The following PGGT1B variants were observed in gnomAD, a reference collection of about 807,000 sequenced individuals.
The protein encoded by PGGT1B is geranylgeranyl transferase type-1 subunit beta.
Under a neutral mutation model 46.1 loss-of-function variants are expected in PGGT1B, and 30 were observed. The observed-to-expected ratio is 0.65, with a 90% CI of 0.49 to 0.88. The LOEUF (loss-of-function observed/expected upper bound fraction) is 0.88. Among genes scored for constraint, PGGT1B ranks in the 40% least tolerant of loss-of-function variants. The pLI is 0.00. For synonymous variants in PGGT1B, 170 were observed against 160.0 expected, an observed-to-expected ratio of 1.06 and a Z score of -0.47; for missense variants, 376 against 455.9, an observed-to-expected ratio of 0.82 and a Z score of 1.60.
At chr5:115,254,343 G>C (rs1161660802) in intron 1 of PGGT1B, among the ~76,000 whole-genome samples, 5 of 151,508 alleles carry the variant, frequency 3.3e-5, no homozygotes, top group African/African-American at 1.2e-4. Context: ...TACCCCACTG[G>C]GACAGGACCC....
chr5:115,237,813 A>G (rs1347419742), intron 4 of PGGT1B, 45 bp downstream of exon 4: 3 of 1,541,652 alleles, frequency 1.9e-6, no homozygotes, highest in African/African-American at 2.8e-5. Flanking sequence ...TAGTTCCAAT[A>G]TATTTTTGTT....
Position 115,253,216 on chromosome 5 carries a change from C to T in PGGT1B, c.180G>A (p.Met60Ile). The change falls in exon 2 of 9, where the codon ATG becomes ATA. Residue 60 changes from methionine (M) to isoleucine (I), a missense_variant. Physicochemically the swap from Met to Ile is conservative, Grantham distance 10. Transcript: ENST00000419445. The stretch of plus-strand genomic sequence containing the variant: ...TGTTCACCACATCTAAGGAATCCAA[C>T]ATATCCAGCCCGGAGAGTGCAAAAA... ...IAFFALSGLD[M>I]LDSLDVVNKD... The T allele has an allele frequency of 6.2e-7, 1 of 1,600,088 alleles. No individual in the cohort carries two copies. Among genetic ancestry groups the T allele is most frequent in the Middle Eastern group, 1.7e-4 (1 of 6,036 alleles).
chr5:115,224,091 T>C (rs1756681318), intron 6 of PGGT1B, among the ~76,000 whole-genome samples: 1 of 147,026 alleles, frequency 6.8e-6, no homozygotes, highest in Admixed American at 6.8e-5. Flanking sequence ...TCTATGTTAG[T>C]CTTGAGTGAA....
Position 115,236,364 on chromosome 5 carries a change from T to C in PGGT1B, c.612+26A>G, listed in dbSNP as rs369875059. On this transcript the variant is annotated intron_variant, in intron 5 of 8. Coordinates refer to ENST00000419445, the MANE Select transcript of PGGT1B (RefSeq NM_005023.4). ...CATGTACCAGCAAAAACAACCTAAA[T>C]AGTCAATTTTATCAACAGAACTCAC... is the stretch of plus-strand genomic sequence containing the variant. 10 of 1,575,482 alleles carry C rather than the reference T, an allele frequency of 6.3e-6. No individual in the cohort carries two copies. The African/African-American group carries it at 6.9e-5, about 11-fold the overall frequency.
chr5:115,237,480 A>G (rs967320891), intron 4 of PGGT1B, among the ~76,000 whole-genome samples: 1 of 152,156 alleles, frequency 6.6e-6, no homozygotes, highest in Non-Finnish European at 1.5e-5. Context: ...TTCAGTGTTC[A>G]CCCCTTTCTT....
At chr5:115,226,752 G>C (rs1479364842) in intron 6 of PGGT1B, among the ~76,000 whole-genome samples, 1 of 151,898 alleles carries the variant, frequency 6.6e-6, no homozygotes, top group Non-Finnish European at 1.5e-5. Context: ...ATCCAGCAAA[G>C]ATAAACAGAG....
chr5:115,237,903 T>A lies in PGGT1B; in HGVS notation c.434A>T (p.Glu145Val), dbSNP rs1757231027. ...GGCTCTCAAGCCCGCTAAGCAAGCT[T>A]CTTTATTTACTCGGCTTAAGTCGTC... ...LGDDLSRVNK[E>V]ACLAGLRALQ... is the part of the protein sequence containing the mutation. Residue 145 changes from glutamate (E) to valine (V), a missense_variant, in exon 4 of 9, where the codon GAA becomes GTA. Coordinates refer to ENST00000419445, the MANE Select transcript of PGGT1B (RefSeq NM_005023.4). The A allele has an allele frequency of 6.2e-7, 1 of 1,612,058 alleles. No individual in the cohort carries two copies. The highest frequency in any genetic ancestry group is 2.2e-5 in the East Asian group (1 of 44,858).
Position 115,207,180 on chromosome 5 carries a change from C to CATACATATATATATATATATAT in PGGT1B, c.*5221_*5222insATATATATATATATATATGTAT, listed in dbSNP as rs1554069083. The CATACATATATATATATATATAT allele has an allele frequency of 8.9e-5, 8 of 89,954 alleles. 1 individual carries two copies. Among genetic ancestry groups the CATACATATATATATATATATAT allele is most frequent in the Non-Finnish European group, 7.1e-5 (3 of 42,210 alleles). The allele number at this position is 89,954 out of a possible 1,614,324, so 5.6% of individuals were successfully genotyped here. A position where few individuals can be genotyped will look rare whatever the true frequency, so the allele number is the denominator to read the frequency against. On this transcript the variant is annotated 3_prime_UTR_variant, in exon 9 of 9. Coordinates refer to ENST00000419445, the MANE Select transcript of PGGT1B (RefSeq NM_005023.4). ...ACTAGTTTAGGTTTGCATATACATA[C>CATACATATATATATATATATAT]ATATATATATATATATATATATATA...
At chr5:115,243,328 T>C (rs1366797284) in intron 2 of PGGT1B, among the ~76,000 whole-genome samples, 1 of 152,224 alleles carries the variant, frequency 6.6e-6, no homozygotes, top group African/African-American at 2.4e-5. Context: ...AGGTTAAGCA[T>C]ATCATGCCTC....
chr5:115,227,530 C>G (rs1368362045), intron 6 of PGGT1B, among the ~76,000 whole-genome samples: 2 of 152,176 alleles, frequency 1.3e-5, no homozygotes, highest in Non-Finnish European at 2.9e-5. Context: ...TGCAGGAGCA[C>G]CAGCCCTTCA....
rs550709380 is a variant in PGGT1B, at chr5:115,222,715, G to A, written c.659-707C>T. Among the ~76,000 whole-genome samples the A allele has an allele frequency of 6.0e-4, 92 of 152,092 alleles. 1 individual carries two copies. Among genetic ancestry groups the A allele is most frequent in the Non-Finnish European group, 1.9e-4 (13 of 68,010 alleles). Reference sequence around the variant, plus strand: ...GCACTATTCACAATAGCAAAGACTTGGAATCAACCCAAACATCCATCAATG... The same window carrying A: ...GCACTATTCACAATAGCAAAGACTTAGAATCAACCCAAACATCCATCAATG... On this transcript the variant is annotated intron_variant, in intron 6 of 8. Transcript: ENST00000419445.
intron 1 of PGGT1B, among the ~76,000 whole-genome samples, chr5:115,261,415 G>T (rs564024883): frequency 6.6e-6 from 1 of 152,284 alleles, no homozygotes; most frequent in Non-Finnish European, 1.5e-5. Context: ...GTGCAATGTT[G>T]ACCAAAAGGA....
Position 115,210,670 on chromosome 5 carries a change from A to G in PGGT1B, c.*1732T>C, listed in dbSNP as rs890322545. On this transcript the variant is annotated 3_prime_UTR_variant, in exon 9 of 9. Coordinates refer to ENST00000419445, the MANE Select transcript of PGGT1B (RefSeq NM_005023.4). ...TTGCCTTCTAACCTTTCTTGGTGATACAGAAAAAACAATTTGGGCTTTTTA... is the reference window on the plus strand; with the variant it reads ...TTGCCTTCTAACCTTTCTTGGTGATGCAGAAAAAACAATTTGGGCTTTTTA... The G allele has an allele frequency of 2.0e-5, 3 of 152,106 alleles. No individual in the cohort carries two copies. The highest frequency in any genetic ancestry group is 7.2e-5 in the African/African-American group (3 of 41,438). The allele number at this position is 152,106 out of a possible 1,614,324, so 9.4% of individuals were successfully genotyped here. A position where few individuals can be genotyped will look rare whatever the true frequency, so the allele number is the denominator to read the frequency against.
intron 2 of PGGT1B, among the ~76,000 whole-genome samples, chr5:115,247,805 C>G (rs1747918267): frequency 1.3e-5 from 2 of 152,138 alleles, no homozygotes; most frequent in Non-Finnish European, 2.9e-5. Context: ...AATAATATTT[C>G]CCTCAACAAG....
rs1211220719 is a variant in PGGT1B at position 115,204,663 on chromosome 5, C to G, written c.*7739G>C. 4 of 152,124 alleles carry G rather than the reference C, an allele frequency of 2.6e-5. No individual in the cohort carries two copies. The highest frequency in any genetic ancestry group is 9.7e-5 in the African/African-American group (4 of 41,420). 9.4% of individuals were successfully genotyped at this position (152,124 alleles called of 1,614,324 possible). A position where few individuals can be genotyped will look rare whatever the true frequency, so the allele number is the denominator to read the frequency against. ...GTTGTTGAGTTTATGAATGGCTACA[C>G]TGTTTCTGGATGGCAATTCTTGGCA... On this transcript the variant is annotated 3_prime_UTR_variant, in exon 9 of 9. Coordinates refer to ENST00000419445, the MANE Select transcript of PGGT1B (RefSeq NM_005023.4).
intron 1 of PGGT1B, among the ~76,000 whole-genome samples, chr5:115,257,046 A>T (rs1439681488): frequency 2.0e-5 from 3 of 152,190 alleles, no homozygotes; most frequent in African/African-American, 7.2e-5. Flanking sequence ...TCTCACTCTG[A>T]ACAATATGTA....
chr5:115,231,820 A>G (rs1200566535), intron 5 of PGGT1B: 1 of 152,124 alleles, frequency 6.6e-6, no homozygotes, highest in Non-Finnish European at 1.5e-5. Context: ...AAATAACACA[A>G]CAAACTTCAG....
In PGGT1B at chr5:115,262,227, C is replaced by T. The variant is rs180819706; in HGVS notation, c.140+485G>A. On this transcript the variant is annotated intron_variant, in intron 1 of 8. Transcript: ENST00000419445. ...CGCAACACCACACCTCTTTCGCCTA[C>T]CATTAGATTTATAGTTCCCACAAAG... Among the ~76,000 whole-genome samples, 53 of 152,290 alleles carry T rather than the reference C, an allele frequency of 3.5e-4. 1 individual carries two copies. The East Asian group carries it at 9.3e-3, about 27-fold the overall frequency.
chr5:115,219,854 A>G (rs1315689810), intron 7 of PGGT1B, among the ~76,000 whole-genome samples: 1 of 151,886 alleles, frequency 6.6e-6, no homozygotes, highest in Non-Finnish European at 1.5e-5. Context: ...TCATTAGAAA[A>G]AAGCAAATCA....
Sources: gnomAD v4.1 joint callset for allele counts (sites outside exome capture counted in the v4.1 genomes callset) on GRCh38, gnomAD v4.1.1 for gene constraint, MANE v1.5 for transcripts, NCBI Gene and HGNC (gene_info 2026-07-23, HGNC 2026-07-21) for gene names.